Variants in CTNNA3 observed in about 807,000 individuals in gnomAD.
CTNNA3 encodes catenin alpha 3.
Under a neutral mutation model 95.7 loss-of-function variants are expected in CTNNA3, and 76 were observed. The observed-to-expected ratio is 0.79, with a 90% CI of 0.66 to 0.96. CTNNA3 has a LOEUF of 0.96. Among genes scored for constraint, CTNNA3 ranks in the 40% least tolerant of loss-of-function variants. The pLI is 0.00. For missense variants in CTNNA3, 1,191 were observed against 1,089.8 expected (o/e 1.09, Z -1.31); for synonymous variants, 431 against 374.4 (o/e 1.15, Z -1.74).
At chr10:67,375,887 T>C (rs925183399) in intron 5 of CTNNA3, among the ~76,000 whole-genome samples, 1 of 152,148 alleles carries the variant, frequency 6.6e-6, no homozygotes, top group Non-Finnish European at 1.5e-5. Context: ...AGTGATGATA[T>C]TAGAAGGTGG....
In CTNNA3 at chr10:66,493,599, A is replaced by ATTTTTTTTTTTTTTTT. The variant is rs528761424; in HGVS notation, c.1531+27002_1531+27017dup. On this transcript the variant is annotated intron_variant, in intron 11 of 17. Coordinates refer to ENST00000433211, the MANE Select transcript of CTNNA3 (RefSeq NM_013266.4). ...GGGTTGGCTAACATTTAACTACAGT[A>ATTTTTTTTTTTTTTTT]TTTTTTTTTTTTTTTTTTTTGAGAC... Among the ~76,000 whole-genome samples the ATTTTTTTTTTTTTTTT allele has an allele frequency of 3.9e-4, 44 of 112,010 alleles. 3 individuals are homozygous for ATTTTTTTTTTTTTTTT. The highest frequency in any genetic ancestry group is 2.6e-3 in the East Asian group (7 of 2,674). The allele number at this position is 112,010 out of a possible 152,430, so 73.5% of individuals were successfully genotyped here.
At chr10:66,799,951 A>G (rs949387812) in intron 7 of CTNNA3, among the ~76,000 whole-genome samples, 2 of 151,442 alleles carry the variant, frequency 1.3e-5, no homozygotes, top group African/African-American at 4.8e-5. Context: ...AATCCTGCCA[A>G]CCAAGAATTC....
At position 66,910,014 on chromosome 10, in the gene CTNNA3, G is replaced by A. The variant is rs77689702; in HGVS notation, c.1048-134490C>T. On this transcript the variant is annotated intron_variant, in intron 7 of 17. Transcript: ENST00000433211. Reference sequence around the variant, plus strand: ...ACAATTTAATACTATGCATTTATATGGCATATATAAATGGTTTATAAAAGT... The same window carrying A: ...ACAATTTAATACTATGCATTTATATAGCATATATAAATGGTTTATAAAAGT... 1.2e-3 allele frequency among the ~76,000 whole-genome samples: 185 copies of A among 152,148 alleles called. 5 individuals are homozygous for A. The East Asian group carries it at 0.028, about 23-fold the overall frequency.
At chr10:66,926,349 AGATTTT>A in intron 7 of CTNNA3, 1 of 598,882 alleles carries the variant, frequency 1.7e-6, no homozygotes, top group South Asian at 1.9e-5. Context: ...TTACCTAGGA[AGATTTT>A]GATGTTTTGC....
intron 7 of CTNNA3, among the ~76,000 whole-genome samples, chr10:66,980,565 T>TTCTGTTTCCCAAGCA (rs1564809959): frequency 1.3e-5 from 2 of 152,088 alleles, no homozygotes; most frequent in African/African-American, 2.4e-5. Context: ...GAGACCTTCC[T>TTCTGTTTCCCAAGCA]ACCCACCTGT....
intron 7 of CTNNA3, among the ~76,000 whole-genome samples, chr10:67,156,025 G>A (rs997392171): frequency 1.3e-5 from 2 of 152,008 alleles, no homozygotes; most frequent in African/African-American, 2.4e-5. Flanking sequence ...TCTTGGCTAA[G>A]TTGTATGTTT....
At chr10:66,501,456 T>C (rs757635361) in intron 11 of CTNNA3, among the ~76,000 whole-genome samples, 19 of 152,154 alleles carry the variant, frequency 1.2e-4, no homozygotes, top group Non-Finnish European at 1.3e-4. Flanking sequence ...CCCATTAGAC[T>C]ATAGATCTCT....
chr10:67,200,839 A>C (rs1863611145), intron 6 of CTNNA3, among the ~76,000 whole-genome samples: 1 of 152,248 alleles, frequency 6.6e-6, no homozygotes, highest in Admixed American at 6.5e-5. Context: ...CCCTATATTT[A>C]AGTTAGAAAT....
At chr10:66,944,329 C>T (rs1205285030) in intron 7 of CTNNA3, among the ~76,000 whole-genome samples, 1 of 152,184 alleles carries the variant, frequency 6.6e-6, no homozygotes, top group East Asian at 1.9e-4. Flanking sequence ...AACTCCTCAT[C>T]CATTCAAGTT....
At chr10:67,745,996 T>G (rs1841373250) in intron 1 of CTNNA3, among the ~76,000 whole-genome samples, 1 of 152,316 alleles carries the variant, frequency 6.6e-6, no homozygotes, top group African/African-American at 2.4e-5. Context: ...ATGACAATAC[T>G]GCACCAAGCA....
At chr10:66,453,022 T>C (rs1050168664) in intron 11 of CTNNA3, among the ~76,000 whole-genome samples, 3 of 151,490 alleles carry the variant, frequency 2.0e-5, no homozygotes, top group Admixed American at 6.6e-5. Context: ...GAGACCATCC[T>C]GGCTAACACG....
intron 10 of CTNNA3, among the ~76,000 whole-genome samples, chr10:66,588,394 T>C (rs1275497017): frequency 1.3e-5 from 2 of 152,214 alleles, no homozygotes; most frequent in East Asian, 3.9e-4. Flanking sequence ...ATTGTGAATC[T>C]CTGCACACTA....
At chr10:66,520,057 G>A (rs977971741) in intron 11 of CTNNA3, among the ~76,000 whole-genome samples, 12 of 151,866 alleles carry the variant, frequency 7.9e-5, no homozygotes, top group Non-Finnish European at 1.6e-4. Flanking sequence ...GCCATGAATA[G>A]GAGTTTCTTT....
chr10:66,946,251 A>T lies in CTNNA3; in HGVS notation c.1048-170727T>A, dbSNP rs116372441. ...TAGAGAGGGAGAGAATTGGAATCCA[A>T]TGATAATTATCTTATTCTTTGGAAA... On this transcript the variant is annotated intron_variant, in intron 7 of 17. Transcript: ENST00000433211. 4.0e-3 allele frequency among the ~76,000 whole-genome samples: 607 copies of T among 152,310 alleles called. 4 individuals are homozygous for T. Among genetic ancestry groups the T allele is most frequent in the African/African-American group, 0.014 (579 of 41,578 alleles).
intron 7 of CTNNA3, among the ~76,000 whole-genome samples, chr10:66,895,978 T>C (rs1390040726): frequency 1.3e-5 from 2 of 148,230 alleles, no homozygotes; most frequent in Admixed American, 6.7e-5. Flanking sequence ...ATGCCTGTAA[T>C]CCAAGCTACT....
intron 7 of CTNNA3, among the ~76,000 whole-genome samples, chr10:67,159,903 A>C (rs995509046): frequency 1.3e-5 from 2 of 152,194 alleles, no homozygotes; most frequent in Non-Finnish European, 2.9e-5. Flanking sequence ...TCTACACATC[A>C]AAGGCAACAA....
rs1383487390 is a variant in CTNNA3 at position 66,839,306 on chromosome 10, G to A, written c.1048-63782C>T. Among the ~76,000 whole-genome samples, 3 of 152,074 alleles carry A rather than the reference G, an allele frequency of 2.0e-5. No individual in the cohort carries two copies. In the South Asian group the frequency reaches 6.2e-4, roughly 32 times the overall value. ...ATGGGTTTATACTGGTGATTGGAAAGGAGAGAAGGGGTAGCTGTCAGAAAT... is the reference window on the plus strand; with the variant it reads ...ATGGGTTTATACTGGTGATTGGAAAAGAGAGAAGGGGTAGCTGTCAGAAAT... On this transcript the variant is annotated intron_variant, in intron 7 of 17. Transcript: ENST00000433211.
intron 5 of CTNNA3, 39 bp downstream of exon 5, chr10:67,521,803 G>A: frequency 6.2e-7 from 1 of 1,600,362 alleles, no homozygotes; most frequent in Non-Finnish European, 8.5e-7. Flanking sequence ...GAAGCCTAAA[G>A]TGTTCATCTC....
chr10:66,932,658 TTAAA>T (rs2132646370), intron 7 of CTNNA3, among the ~76,000 whole-genome samples: 1 of 150,660 alleles, frequency 6.6e-6, no homozygotes, highest in South Asian at 2.1e-4. Context: ...TGGATGGATG[TTAAA>T]TAGTTTGTAT....
Sources: allele counts gnomAD v4.1 joint callset (sites outside exome capture counted in the v4.1 genomes callset), GRCh38; gene constraint gnomAD v4.1.1; transcripts MANE v1.5; gene names NCBI Gene and HGNC (gene_info 2026-07-23, HGNC 2026-07-21).